The following RRAS2 variants were observed in gnomAD, a reference collection of about 807,000 sequenced individuals.
RRAS2 encodes the protein ras-related protein R-Ras2.
RRAS2 carries 7 observed loss-of-function variants against 27.6 expected under a neutral mutation model. The ratio of observed to expected loss-of-function variants is 0.25; its 90% CI spans 0.14 to 0.48. The LOEUF (loss-of-function observed/expected upper bound fraction) is 0.48. Among genes scored for constraint, RRAS2 ranks in the 20% least tolerant of loss-of-function variants. The pLI, the probability that RRAS2 is intolerant of heterozygous loss-of-function variation, is 0.99. For missense variants in RRAS2, 178 were observed against 256.2 expected (o/e 0.69, Z 2.08); for synonymous variants, 86 against 90.9 (o/e 0.95, Z 0.31).
At chr11:14,354,322 AT>A (rs1334331714) in intron 1 of RRAS2, 16 of 152,370 alleles carry the variant, frequency 1.1e-4, no homozygotes, top group Non-Finnish European at 8.8e-5. Context: ...GCTAAAAAAA[AT>A]ATATAAACCT....
In RRAS2 at chr11:14,313,028, T is replaced by TCA. The variant is rs531299398; in HGVS notation, c.109-17174_109-17173insTG. 1.3e-4 allele frequency among the ~76,000 whole-genome samples: 20 copies of TCA among 152,358 alleles called. No homozygotes were observed. The South Asian group carries it at 3.9e-3, about 30-fold the overall frequency. On this transcript the variant is annotated intron_variant, in intron 1 of 5. Coordinates refer to ENST00000256196, the MANE Select transcript of RRAS2 (RefSeq NM_012250.6). ...CTTAACCTCATTCTACCAGCAATTC[T>TCA]GTTTTTATAAAATATCTTATGGCAC...
chr11:14,328,445 A>C (rs1177865175), intron 1 of RRAS2, among the ~76,000 whole-genome samples: 1 of 152,122 alleles, frequency 6.6e-6, no homozygotes, highest in Non-Finnish European at 1.5e-5. Context: ...GTGTAAAAAC[A>C]ATATCAAACA....
rs1353633780 is a variant in RRAS2 at position 14,278,807 on chromosome 11, G to A, written c.*530C>T. ...CAGGCATTTGGTATTTTGGCCATCAGAAAACAAAAGTTGTAGTATCAGTAA... is the reference window on the plus strand; with the variant it reads ...CAGGCATTTGGTATTTTGGCCATCAAAAAACAAAAGTTGTAGTATCAGTAA... On this transcript the variant is annotated 3_prime_UTR_variant, in exon 6 of 6. Transcript: ENST00000256196. 6.5e-6 allele frequency: 1 copy of A among 152,700 alleles called. No homozygotes were observed. Among genetic ancestry groups the A allele is most frequent in the African/African-American group, 2.4e-5 (1 of 41,404 alleles). The allele number at this position is 152,700 out of a possible 1,614,324, so 9.5% of individuals were successfully genotyped here.
At chr11:14,314,603 A>G (rs2133987889) in intron 1 of RRAS2, among the ~76,000 whole-genome samples, 1 of 152,368 alleles carries the variant, frequency 6.6e-6, no homozygotes, top group Non-Finnish European at 1.5e-5. Context: ...GCTGCCATGT[A>G]ATAGCAAATG....
At chr11:14,284,128 G>C (rs760606731) in intron 4 of RRAS2, among the ~76,000 whole-genome samples, 1 of 152,024 alleles carries the variant, frequency 6.6e-6, no homozygotes, top group African/African-American at 2.4e-5. Context: ...AGAAACTAAA[G>C]GTCATTGAAT....
chr11:14,313,168 C>A (rs371740496), intron 1 of RRAS2, among the ~76,000 whole-genome samples: 1 of 152,256 alleles, frequency 6.6e-6, no homozygotes, highest in Admixed American at 6.5e-5. Flanking sequence ...TACCCAAGTA[C>A]GTAGGTTTAA....
At chr11:14,294,053 A>C (rs782016662) in intron 4 of RRAS2, among the ~76,000 whole-genome samples, 9 of 152,238 alleles carry the variant, frequency 5.9e-5, no homozygotes, top group Non-Finnish European at 1.2e-4. Flanking sequence ...CAAATACTGC[A>C]ATTTAAATGA....
Position 14,359,163 on chromosome 11 carries a change from C to T in RRAS2, c.-293G>A. 9.9e-7 allele frequency: 1 copy of T among 1,013,698 alleles called. No individual in the cohort carries two copies. Among genetic ancestry groups the T allele is most frequent in the East Asian group, 9.4e-5 (1 of 10,598 alleles). The allele number at this position is 1,013,698 out of a possible 1,614,324, so 62.8% of individuals were successfully genotyped here. A position where few individuals can be genotyped will look rare whatever the true frequency, so the allele number is the denominator to read the frequency against. The stretch of plus-strand genomic sequence containing the variant: ...AGCGCCTGCCGAACGCAGCCTCCAG[C>T]GCCGCCACAAATGGCCGTCTGGGGG... On this transcript the variant is annotated 5_prime_UTR_variant, in exon 1 of 6. Coordinates refer to ENST00000256196, the MANE Select transcript of RRAS2 (RefSeq NM_012250.6).
At position 14,279,544 on chromosome 11, in the gene RRAS2, A is replaced by C. The variant is rs141573691; in HGVS notation, c.528-120T>G. 22 of 755,650 alleles carry C rather than the reference A, an allele frequency of 2.9e-5. No homozygotes were observed. The African/African-American group carries it at 3.0e-4, about 10-fold the overall frequency. 46.8% of individuals were successfully genotyped at this position (755,650 alleles called of 1,614,324 possible). On this transcript the variant is annotated intron_variant, in intron 5 of 5. Transcript: ENST00000256196. The stretch of plus-strand genomic sequence containing the variant: ...GTATGCTTTTCAGTGTTAAACTTCA[A>C]CGAGGGAATTTCTCTCTTTCCTACC...
chr11:14,312,686 G>A (rs1202936757), intron 1 of RRAS2, among the ~76,000 whole-genome samples: 1 of 152,170 alleles, frequency 6.6e-6, no homozygotes, highest in Non-Finnish European at 1.5e-5. Flanking sequence ...CTCCCAAAGT[G>A]TTGGGATTAC....
chr11:14,308,960 G>A (rs575838166), intron 1 of RRAS2, among the ~76,000 whole-genome samples: 1 of 152,282 alleles, frequency 6.6e-6, no homozygotes, highest in South Asian at 2.1e-4. Flanking sequence ...TTACTTGAAA[G>A]GGCTATTGTG....
intron 1 of RRAS2, among the ~76,000 whole-genome samples, chr11:14,351,730 C>CAAA (rs781952372): frequency 1.3e-5 from 1 of 74,788 alleles, no homozygotes; most frequent in Admixed American, 1.5e-4. Flanking sequence ...AACTCCATCT[C>CAAA]AAAAAAAAAA....
At chr11:14,307,692 C>T (rs782029440) in intron 1 of RRAS2, among the ~76,000 whole-genome samples, 13 of 151,330 alleles carry the variant, frequency 8.6e-5, no homozygotes, top group South Asian at 4.2e-4. Context: ...ACATAGCCTG[C>T]GACAGTTTAA....
Position 14,280,726 on chromosome 11 carries a change from CAAAAAAAAAAAA to C in RRAS2, c.527+864_527+875del, listed in dbSNP as rs58781581. Among the ~76,000 whole-genome samples, 22 of 48,332 alleles carry C rather than the reference CAAAAAAAAAAAA, an allele frequency of 4.6e-4. 1 individual carries two copies. The highest frequency in any genetic ancestry group is 1.1e-3 in the South Asian group (1 of 906). 31.7% of individuals were successfully genotyped at this position (48,332 alleles called of 152,430 possible). A position where few individuals can be genotyped will look rare whatever the true frequency, so the allele number is the denominator to read the frequency against. The stretch of plus-strand genomic sequence containing the variant: ...GGGTGACAAAGAGAAACTCTGTTTC[CAAAAAAAAAAAA>C]AAAAAAAAAAAAAAAAAAAGCAGCC... On this transcript the variant is annotated intron_variant, in intron 5 of 5. Transcript: ENST00000256196.
intron 4 of RRAS2, among the ~76,000 whole-genome samples, chr11:14,290,978 C>A (rs1318231197): frequency 6.6e-6 from 1 of 152,092 alleles, no homozygotes; most frequent in Non-Finnish European, 1.5e-5. Context: ...AGAACAATTG[C>A]TGGGGTAATG....
chr11:14,358,915 C>A lies in RRAS2; in HGVS notation c.-45G>T. On this transcript the variant is annotated 5_prime_UTR_variant, in exon 1 of 6. Transcript: ENST00000256196. The surrounding 1 kb of genome is among the most constrained non-coding windows in gnomAD (Gnocchi z 5.1). ...GCCTGACTGCGCCGAGCCGCCGCTG[C>A]CGCCCGCCCTAGGCCCGGCTCCGGG... 7.6e-7 allele frequency: 1 copy of A among 1,308,050 alleles called. No individual in the cohort carries two copies. Among genetic ancestry groups the A allele is most frequent in the South Asian group, 1.8e-5 (1 of 54,538 alleles). 81.0% of individuals were successfully genotyped at this position (1,308,050 alleles called of 1,614,324 possible).
At position 14,334,541 on chromosome 11, in the gene RRAS2, C is replaced by A. The variant is rs535671325; in HGVS notation, c.108+24222G>T. On this transcript the variant is annotated intron_variant, in intron 1 of 5. Transcript: ENST00000256196. ...AAAAGCATCCATACATACACACACA[C>A]ACACACACACACACACACATAATGG... Among the ~76,000 whole-genome samples, 8 of 151,956 alleles carry A rather than the reference C, an allele frequency of 5.3e-5. No individual in the cohort carries two copies. The South Asian group carries it at 1.5e-3, about 28-fold the overall frequency.
intron 1 of RRAS2, chr11:14,356,748 G>A (rs782733962): frequency 4.4e-6 from 2 of 452,714 alleles, no homozygotes; most frequent in Non-Finnish European, 8.8e-6. Flanking sequence ...TCACAGTGGA[G>A]GTATTTCTTC....
Position 14,358,903 on chromosome 11 carries a change from G to C in RRAS2, c.-33C>G. 7 of 1,335,818 alleles carry C rather than the reference G, an allele frequency of 5.2e-6. No homozygotes were observed. The highest frequency in any genetic ancestry group is 4.8e-6 in the Non-Finnish European group (5 of 1,031,902). 82.7% of individuals were successfully genotyped at this position (1,335,818 alleles called of 1,614,324 possible). A position where few individuals can be genotyped will look rare whatever the true frequency, so the allele number is the denominator to read the frequency against. On this transcript the variant is annotated 5_prime_UTR_variant, in exon 1 of 6. Transcript: ENST00000256196. This position sits in a 1 kb window ranked among gnomAD's most constrained non-coding sequence, Gnocchi z 5.1. ...CTACAGAGCCCAGCCTGACTGCGCC[G>C]AGCCGCCGCTGCCGCCCGCCCTAGG... is the stretch of plus-strand genomic sequence containing the variant.
Sources: allele counts gnomAD v4.1 joint callset (sites outside exome capture counted in the v4.1 genomes callset), GRCh38; gene constraint gnomAD v4.1.1; non-coding constraint Gnocchi (gnomAD v3.1); transcripts MANE v1.5; gene names NCBI Gene and HGNC (gene_info 2026-07-23, HGNC 2026-07-21).